Variants in PKHD1 observed in about 807,000 individuals in gnomAD.
PKHD1 encodes the protein fibrocystin.
PKHD1 carries 291 observed loss-of-function variants against 412.0 expected under a neutral mutation model. The observed-to-expected ratio is 0.71, with a 90% confidence interval of 0.64 to 0.78. The LOEUF is 0.78. Ranked by LOEUF, PKHD1 falls within the 30% of genes least tolerant of loss-of-function variation. The pLI is 0.00. For synonymous variants in PKHD1, 1,777 were observed against 1,821.5 expected, an observed-to-expected ratio of 0.98 and a Z score of 0.62; for missense variants, 4,825 against 4,950.7, an observed-to-expected ratio of 0.97 and a Z score of 0.76.
chr6:51,853,850 T>A (rs1344439391), intron 49 of PKHD1, among the ~76,000 whole-genome samples: 1 of 152,118 alleles, frequency 6.6e-6, no homozygotes, highest in Admixed American at 6.5e-5. Context: ...CCTCTTTGCA[T>A]TAGGTTAGAG....
intron 60 of PKHD1, among the ~76,000 whole-genome samples, chr6:51,695,271 T>C (rs1390088263): frequency 6.6e-6 from 1 of 152,182 alleles, no homozygotes; most frequent in Non-Finnish European, 1.5e-5. Flanking sequence ...TTTCTCAAAA[T>C]CCTTTCATAT....
At chr6:51,810,005 C>T (rs1416400575) in intron 52 of PKHD1, among the ~76,000 whole-genome samples, 4 of 151,916 alleles carry the variant, frequency 2.6e-5, no homozygotes, top group South Asian at 2.1e-4. Flanking sequence ...TAGGCATTCA[C>T]GTTTTATTCT....
chr6:51,796,223 G>A (rs560011493), intron 52 of PKHD1, among the ~76,000 whole-genome samples: 3 of 152,062 alleles, frequency 2.0e-5, no homozygotes, highest in East Asian at 1.9e-4. Flanking sequence ...ATTCTTCCTC[G>A]TTCAGTCTTG....
At position 51,636,189 on chromosome 6, in the gene PKHD1, T is replaced by C. The variant is rs185809768; in HGVS notation, c.11506+2660A>G. The stretch of plus-strand genomic sequence containing the variant: ...TTCTGTATTTCTAAAATAGGAATAA[T>C]AATTTGTTTTTCTCTCTAAAATATT... On this transcript the variant is annotated intron_variant, in intron 64 of 66. Coordinates refer to ENST00000371117, the MANE Select transcript of PKHD1 (RefSeq NM_138694.4). Among the ~76,000 whole-genome samples, 3 of 152,168 alleles carry C rather than the reference T, an allele frequency of 2.0e-5. No individual in the cohort carries two copies. In the East Asian group the frequency reaches 5.8e-4, roughly 29 times the overall value.
chr6:52,084,447 C>A (rs9296670), intron 2 of PKHD1, among the ~76,000 whole-genome samples: 2 of 152,032 alleles, frequency 1.3e-5, no homozygotes, highest in Non-Finnish European at 2.9e-5. Flanking sequence ...TGAGATAATA[C>A]AAGCAATCTA....
chr6:51,735,581 G>C (rs1783735007), intron 60 of PKHD1, among the ~76,000 whole-genome samples: 1 of 152,142 alleles, frequency 6.6e-6, no homozygotes, highest in Non-Finnish European at 1.5e-5. Context: ...TATAAAGAAA[G>C]AAGGAGAAAA....
At chr6:51,929,487 C>G (rs1481402884) in intron 37 of PKHD1, among the ~76,000 whole-genome samples, 2 of 142,774 alleles carry the variant, frequency 1.4e-5, no homozygotes, top group Non-Finnish European at 3.0e-5. Flanking sequence ...GTTTAGGGAA[C>G]CCCTAAATCC....
chr6:51,746,211 T>C (rs911736631), intron 59 of PKHD1, among the ~76,000 whole-genome samples: 7 of 152,158 alleles, frequency 4.6e-5, no homozygotes, highest in African/African-American at 1.7e-4. Context: ...ACCTCATCGT[T>C]CAGTTCAGAG....
At chr6:51,731,741 A>G (rs1176858109) in intron 60 of PKHD1, among the ~76,000 whole-genome samples, 1 of 152,176 alleles carries the variant, frequency 6.6e-6, no homozygotes, top group Non-Finnish European at 1.5e-5. Context: ...CCCTCAGAAC[A>G]AAGGAAGAAA....
chr6:52,071,273 T>C (rs577227230), intron 8 of PKHD1, among the ~76,000 whole-genome samples: 8 of 151,706 alleles, frequency 5.3e-5, no homozygotes, highest in Admixed American at 1.3e-4. Context: ...TAGTTAGTAA[T>C]ACCCTAAGCA....
intron 52 of PKHD1, among the ~76,000 whole-genome samples, chr6:51,818,487 T>C (rs1043276314): frequency 6.6e-6 from 1 of 152,204 alleles, no homozygotes; most frequent in Admixed American, 6.5e-5. Context: ...TTGACTCTAC[T>C]GTCTCTGTTA....
At chr6:51,770,159 T>C (rs1310313097) in intron 55 of PKHD1, among the ~76,000 whole-genome samples, 1 of 151,776 alleles carries the variant, frequency 6.6e-6, no homozygotes. Context: ...CTGAAAGAGA[T>C]AAATACGTGT....
chr6:52,060,082 G>T, intron 14 of PKHD1, 40 bp from the exon 15 acceptor site: 1 of 1,130,858 alleles, frequency 8.8e-7, no homozygotes, highest in Non-Finnish European at 1.4e-6. Flanking sequence ...AGTAACCAAG[G>T]CCTGAATCAC....
rs1438390608 is a variant in PKHD1 at position 51,660,417 on chromosome 6, G to A, written c.10157-448C>T. Among the ~76,000 whole-genome samples, 3 of 152,040 alleles carry A rather than the reference G, an allele frequency of 2.0e-5. No individual in the cohort carries two copies. The East Asian group carries it at 5.8e-4, about 29-fold the overall frequency. ...CAATTCTCCAGTGGATACAAACTGG[G>A]TGTCACATAATTTAACCAAATTCTG... is the stretch of plus-strand genomic sequence containing the variant. On this transcript the variant is annotated intron_variant, in intron 60 of 66. Transcript: ENST00000371117.
At chr6:51,772,849 T>TA in intron 54 of PKHD1, 60 bp from the exon 55 acceptor site, 1 of 921,334 alleles carries the variant, frequency 1.1e-6, no homozygotes. Context: ...GAAAGCCAGG[T>TA]AAGTAAAAGT....
chr6:51,802,977 TAC>T (rs1763169921), intron 52 of PKHD1, among the ~76,000 whole-genome samples: 1 of 92,010 alleles, frequency 1.1e-5, no homozygotes, highest in Non-Finnish European at 2.4e-5. Context: ...TTGTTAAATA[TAC>T]ATATATTATA....
intron 49 of PKHD1, 91 bp from the exon 50 acceptor site, chr6:51,848,061 A>G: frequency 1.2e-6 from 1 of 844,104 alleles, no homozygotes; most frequent in South Asian, 1.3e-5. Context: ...CAAAACAACT[A>G]CAGAGAACGC....
chr6:51,676,252 G>GAAA (rs58319131), intron 60 of PKHD1, among the ~76,000 whole-genome samples: 3 of 142,090 alleles, frequency 2.1e-5, no homozygotes, highest in Admixed American at 1.4e-4. Context: ...TAAAAGAAAA[G>GAAA]AAAAAAAAAA....
intron 45 of PKHD1, among the ~76,000 whole-genome samples, chr6:51,884,857 C>T (rs1000544480): frequency 9.0e-5 from 2 of 22,258 alleles, no homozygotes; most frequent in Non-Finnish European, 3.0e-4. Context: ...AGATTTGTTA[C>T]CCCTATAGGG....
Sources: gnomAD v4.1 joint callset for allele counts (sites outside exome capture counted in the v4.1 genomes callset) on GRCh38, gnomAD v4.1.1 for gene constraint, MANE v1.5 for transcripts, NCBI Gene and HGNC (gene_info 2026-07-23, HGNC 2026-07-21) for gene names.